The following MFN1 variants were observed in gnomAD, a reference collection of about 807,000 sequenced individuals.
MFN1 encodes mitofusin 1.
A neutral mutation model predicts 92.4 loss-of-function variants in MFN1; 65 were observed. The ratio of observed to expected loss-of-function variants is 0.70; its 90% CI spans 0.58 to 0.86. The LOEUF is 0.86. Ranked by LOEUF, MFN1 falls within the 40% of genes least tolerant of loss-of-function variation. The pLI is 0.00. For synonymous variants in MFN1, 297 were observed against 300.9 expected (o/e 0.99, Z 0.13); for missense variants, 781 against 868.0 (o/e 0.90, Z 1.26).
At position 179,385,909 on chromosome 3, in the gene MFN1, A is replaced by G. The variant is rs1041133841; in HGVS notation, c.1815+188A>G. On this transcript the variant is annotated intron_variant, in intron 15 of 17. Coordinates refer to ENST00000471841, the MANE Select transcript of MFN1 (RefSeq NM_033540.3). The stretch of plus-strand genomic sequence containing the variant: ...CATCTTAAATTTTTAAAAAACATAC[A>G]TCTTTAGGAATGAACTATCACCACC... 5.3e-5 allele frequency among the ~76,000 whole-genome samples: 8 copies of G among 152,224 alleles called. No individual in the cohort carries two copies. The East Asian group carries it at 1.5e-3, about 29-fold the overall frequency.
chr3:179,377,479 A>C, intron 12 of MFN1, 31 bp downstream of exon 12: 1 of 1,351,388 alleles, frequency 7.4e-7, no homozygotes. Context: ...AATTATTCAG[A>C]GACAGTTTCT....
In MFN1 at chr3:179,394,324, C is replaced by T. The variant is rs1339624082; in HGVS notation, c.*2265C>T. 1 of 150,928 alleles carries T rather than the reference C, an allele frequency of 6.6e-6. No individual in the cohort carries two copies. The highest frequency in any genetic ancestry group is 1.5e-5 in the Non-Finnish European group (1 of 67,880). 9.3% of individuals were successfully genotyped at this position (150,928 alleles called of 1,614,324 possible). A position where few individuals can be genotyped will look rare whatever the true frequency, so the allele number is the denominator to read the frequency against. ...ATTAGGTTTGGTATGGCAACTTTTT[C>T]ATCACTTGTTTTATGTAGTTGTCTG... On this transcript the variant is annotated 3_prime_UTR_variant, in exon 18 of 18. Coordinates refer to ENST00000471841, the MANE Select transcript of MFN1 (RefSeq NM_033540.3).
intron 9 of MFN1, among the ~76,000 whole-genome samples, chr3:179,371,954 C>T (rs1030577961): frequency 2.0e-5 from 3 of 150,662 alleles, no homozygotes; most frequent in East Asian, 1.9e-4. Flanking sequence ...GAAAATAATA[C>T]ATAAGTATAT....
Position 179,348,949 on chromosome 3 carries a change from C to T in MFN1, c.98C>T (p.Ser33Leu). 6.3e-7 allele frequency: 1 copy of T among 1,585,954 alleles called. No homozygotes were observed. The highest frequency in any genetic ancestry group is 1.1e-5 in the South Asian group (1 of 89,598). ...TTACTGGAGTTTGTTACTGAAGGAT[C>T]ACATTTTGTTGAAGGTTAGTTCTTC... ...DQLLEFVTEG[S>L]HFVEATYKNP... The change falls in exon 2 of 18, where the codon TCA becomes TTA. Residue 33 changes from serine (S) to leucine (L), a missense_variant. Physicochemically the swap from Ser to Leu is moderately radical, Grantham distance 145. Transcript: ENST00000471841.
intron 2 of MFN1, among the ~76,000 whole-genome samples, chr3:179,349,985 G>C (rs561921234): frequency 7.2e-4 from 109 of 151,950 alleles, no homozygotes; most frequent in African/African-American, 2.4e-3. Context: ...AACCCTGTCT[G>C]TACTAAAAAT....
At chr3:179,374,691 T>C (rs1162920485) in intron 9 of MFN1, among the ~76,000 whole-genome samples, 2 of 152,158 alleles carry the variant, frequency 1.3e-5, no homozygotes, top group Non-Finnish European at 2.9e-5. Flanking sequence ...GATGTTACAT[T>C]GTTAAATGTT....
At chr3:179,379,105 G>A (rs1713368031) in intron 14 of MFN1, among the ~76,000 whole-genome samples, 1 of 152,108 alleles carries the variant, frequency 6.6e-6, no homozygotes, top group Non-Finnish European at 1.5e-5. Context: ...TTTATTCAGT[G>A]TCCTCAAGGG....
intron 14 of MFN1, 64 bp downstream of exon 14, chr3:179,378,878 A>G (rs1050063851): frequency 3.2e-6 from 4 of 1,250,018 alleles, no homozygotes; most frequent in East Asian, 4.7e-5. Flanking sequence ...TGGTTTTTCT[A>G]TAATAAAACT....
chr3:179,368,309 T>C (rs1000903444), intron 9 of MFN1, among the ~76,000 whole-genome samples: 3 of 152,150 alleles, frequency 2.0e-5, no homozygotes, highest in Non-Finnish European at 4.4e-5. Flanking sequence ...AGATTGTAAT[T>C]TATTCCTTAT....
chr3:179,362,225 C>A, intron 4 of MFN1, 133 bp from the exon 5 acceptor site: 1 of 915,674 alleles, frequency 1.1e-6, no homozygotes, highest in Non-Finnish European at 1.5e-6. Flanking sequence ...CTCAAGATTG[C>A]TCAGAAGGTT....
intron 9 of MFN1, among the ~76,000 whole-genome samples, chr3:179,373,712 C>T (rs1284575267): frequency 6.6e-6 from 1 of 151,800 alleles, no homozygotes; most frequent in Non-Finnish European, 1.5e-5. Flanking sequence ...CTCGCTCTGT[C>T]GCCCAGGCTG....
At chr3:179,375,432 CT>C in intron 10 of MFN1, 91 bp downstream of exon 10, 1 of 1,465,050 alleles carries the variant, frequency 6.8e-7, no homozygotes, top group Non-Finnish European at 9.4e-7. Context: ...ACTATAAATA[CT>C]TTTTACACTG....
chr3:179,390,747 G>C (rs1461726718), intron 17 of MFN1, among the ~76,000 whole-genome samples: 1 of 152,168 alleles, frequency 6.6e-6, no homozygotes, highest in African/African-American at 2.4e-5. Flanking sequence ...TGGCTTGTCA[G>C]AATGTCTTGG....
intron 16 of MFN1, among the ~76,000 whole-genome samples, chr3:179,387,336 G>A (rs1385634779): frequency 2.0e-5 from 3 of 152,128 alleles, no homozygotes; most frequent in East Asian, 3.9e-4. Context: ...ACTTGAGGTC[G>A]GGAGTTCGAG....
At chr3:179,359,098 A>G (rs1712462964) in intron 4 of MFN1, 96 bp downstream of exon 4, 1 of 1,292,938 alleles carries the variant, frequency 7.7e-7, no homozygotes, top group Non-Finnish European at 1.0e-6. Flanking sequence ...CATCGCTGAC[A>G]TCTTATAAAA....
intron 3 of MFN1, among the ~76,000 whole-genome samples, chr3:179,354,728 A>T (rs1712282174): frequency 6.6e-6 from 1 of 152,162 alleles, no homozygotes; most frequent in Non-Finnish European, 1.5e-5. Context: ...CAAAGGGTGG[A>T]TTATTCATGA....
At chr3:179,369,739 C>T (rs1712948633) in intron 9 of MFN1, among the ~76,000 whole-genome samples, 1 of 152,106 alleles carries the variant, frequency 6.6e-6, no homozygotes, top group African/African-American at 2.4e-5. Context: ...AATCTATATA[C>T]ATATATATTC....
rs556652287 is a variant in MFN1, at chr3:179,357,855, A to G, written c.249-985A>G. On this transcript the variant is annotated intron_variant, in intron 3 of 17. Transcript: ENST00000471841. ...TTTGCTCCATGGACTCTGGAGCCTT[A>G]ACTGAGAAGATGTGAAGATTGGGGT... is the stretch of plus-strand genomic sequence containing the variant. Among the ~76,000 whole-genome samples the G allele has an allele frequency of 3.3e-5, 5 of 152,316 alleles. 1 individual carries two copies. The South Asian group carries it at 1.0e-3, about 32-fold the overall frequency.
At chr3:179,373,800 AG>A in intron 9 of MFN1, among the ~76,000 whole-genome samples, 1 of 151,886 alleles carries the variant, frequency 6.6e-6, no homozygotes, top group East Asian at 1.9e-4. Flanking sequence ...CAGCCTCCCG[AG>A]TAGCTGGGAC....
Sources: gnomAD v4.1 joint callset for allele counts (sites outside exome capture counted in the v4.1 genomes callset) on GRCh38, gnomAD v4.1.1 for gene constraint, MANE v1.5 for transcripts, NCBI Gene and HGNC (gene_info 2026-07-23, HGNC 2026-07-21) for gene names.